The following SPPL2B variants were observed in gnomAD, a reference collection of about 807,000 sequenced individuals.
SPPL2B encodes the protein signal peptide peptidase like 2B, also known as signal peptide peptidase-like 2B.
In SPPL2B, 39 loss-of-function variants were observed where a neutral mutation model predicts 59.7. That is an observed-to-expected ratio of 0.65 (90% CI 0.51 to 0.85). The LOEUF is 0.85. Among genes scored for constraint, SPPL2B ranks in the 40% least tolerant of loss-of-function variants. SPPL2B has a pLI of 0.00. For missense variants in SPPL2B, 865 were observed against 849.0 expected (o/e 1.02, Z -0.23); for synonymous variants, 419 against 370.8 (o/e 1.13, Z -1.49).
At chr19:2,339,992 G>A (rs567396750) in intron 6 of SPPL2B, 26 bp downstream of exon 6, 33 of 1,552,070 alleles carry the variant, frequency 2.1e-5, no homozygotes, top group African/African-American at 2.7e-5. Context: ...CGGGTGGGCC[G>A]CGGCGTGGAG....
At position 2,334,582 on chromosome 19, in the gene SPPL2B, C is replaced by T. The variant is rs754958018; in HGVS notation, c.67-20C>T. On this transcript the variant is annotated intron_variant, in intron 1 of 14. Transcript: ENST00000613503. ...CGCACGTCCCGTGCTGTGGCTCTGA[C>T]TGCTGGCCTTGTCCTGCAGGTGGCC... 8.1e-6 allele frequency: 13 copies of T among 1,602,604 alleles called. No individual in the cohort carries two copies. Among genetic ancestry groups the T allele is most frequent in the Non-Finnish European group, 9.4e-6 (11 of 1,175,226 alleles).
intron 9 of SPPL2B, among the ~76,000 whole-genome samples, chr19:2,343,753 G>T (rs564478104): frequency 2.0e-5 from 3 of 152,266 alleles, no homozygotes; most frequent in East Asian, 1.9e-4. Context: ...TTCCTGTTAC[G>T]TGGAGACTCT....
At chr19:2,338,511 G>A in intron 3 of SPPL2B, 1 of 481,428 alleles carries the variant, frequency 2.1e-6, no homozygotes, top group East Asian at 3.6e-5. Flanking sequence ...GGGATTAGTG[G>A]CGCTTTTAGG....
chr19:2,343,502 G>A (rs949681339), intron 9 of SPPL2B, among the ~76,000 whole-genome samples: 2 of 152,194 alleles, frequency 1.3e-5, no homozygotes, highest in African/African-American at 4.8e-5. Context: ...GCTGCGGGGC[G>A]GTTCCCGGCA....
At position 2,339,012 on chromosome 19, in the gene SPPL2B, C is replaced by T. The variant is rs988399156; in HGVS notation, c.460-57C>T. 44 of 1,528,830 alleles carry T rather than the reference C, an allele frequency of 2.9e-5. 1 individual carries two copies. Among genetic ancestry groups the T allele is most frequent in the South Asian group, 1.2e-4 (10 of 82,610 alleles). 94.7% of individuals were successfully genotyped at this position (1,528,830 alleles called of 1,614,324 possible). A position where few individuals can be genotyped will look rare whatever the true frequency, so the allele number is the denominator to read the frequency against. On this transcript the variant is annotated intron_variant, in intron 4 of 14. Coordinates refer to ENST00000613503, the MANE Select transcript of SPPL2B (RefSeq NM_152988.3). ...AGCCCCACAGCCCACAGCTGCACGT[C>T]GACCCATGGCTGGCGGGTGGCTCTG...
intron 14 of SPPL2B, 119 bp downstream of exon 14, chr19:2,351,713 C>T (rs1969935198): frequency 1.5e-6 from 2 of 1,364,700 alleles, no homozygotes; most frequent in South Asian, 1.4e-5. Flanking sequence ...GGCTCAGGGT[C>T]CTGGTACCTT....
rs1249113439 is a variant in SPPL2B, at chr19:2,332,797, T to G, written c.67-1805T>G. 6.6e-6 allele frequency among the ~76,000 whole-genome samples: 1 copy of G among 152,172 alleles called. No homozygotes were observed. The highest frequency in any genetic ancestry group is 1.5e-5 in the Non-Finnish European group (1 of 68,022). On this transcript the variant is annotated intron_variant, in intron 1 of 14. Coordinates refer to ENST00000613503, the MANE Select transcript of SPPL2B (RefSeq NM_152988.3). This position sits in a 1 kb window ranked among gnomAD's most constrained non-coding sequence, Gnocchi z 4.6. ...GGGCCCACACTGAGGGTCTGCAGTG[T>G]GGCACAGCAGCTGGGACCTGGGCCC...
At chr19:2,352,795 C>T (rs1969996220) in intron 14 of SPPL2B, 151 bp from the exon 15 acceptor site, 3 of 844,142 alleles carry the variant, frequency 3.6e-6, no homozygotes, top group South Asian at 3.6e-5. Flanking sequence ...GGTTATGGAG[C>T]CGGCCCCCTC....
intron 8 of SPPL2B, 184 bp downstream of exon 8, chr19:2,341,198 G>A (rs1175982912): frequency 8.6e-6 from 6 of 695,540 alleles, no homozygotes; most frequent in Admixed American, 8.1e-5. Flanking sequence ...TTCACCTGGG[G>A]TTTGTCCGGG....
intron 2 of SPPL2B, among the ~76,000 whole-genome samples, chr19:2,335,924 TGA>T (rs993948706): frequency 1.0e-4 from 16 of 152,386 alleles, no homozygotes; most frequent in East Asian, 5.8e-4. Context: ...CATGTTTATG[TGA>T]GTTTGCATCA....
In SPPL2B at chr19:2,355,044, C is replaced by G. The variant is rs547166807; in HGVS notation, c.*1835C>G. On this transcript the variant is annotated 3_prime_UTR_variant, in exon 15 of 15. Transcript: ENST00000613503. ...ACTGTTGCTGGAAAGCATCACAGAC[C>G]ATGTGTAAAATGGGCCAAAATACCT... Among the ~76,000 whole-genome samples the G allele has an allele frequency of 6.1e-4, 93 of 152,348 alleles. No individual in the cohort carries two copies. Among genetic ancestry groups the G allele is most frequent in the African/African-American group, 2.1e-3 (87 of 41,578 alleles).
chr19:2,346,164 G>A (rs1012050466), intron 13 of SPPL2B, among the ~76,000 whole-genome samples: 10 of 152,248 alleles, frequency 6.6e-5, no homozygotes, highest in Non-Finnish European at 4.4e-5. Context: ...AAGCTGTGGT[G>A]CTTTCTGGTT....
At chr19:2,340,673 G>A (rs1448912152) in intron 7 of SPPL2B, among the ~76,000 whole-genome samples, 3 of 152,160 alleles carry the variant, frequency 2.0e-5, no homozygotes, top group Non-Finnish European at 2.9e-5. Flanking sequence ...CAGGCGAGGG[G>A]CTCTGTGGGT....
rs1448537099 is a variant in SPPL2B at position 2,334,651 on chromosome 19, C to T, written c.116C>T (p.Pro39Leu). The change falls in exon 2 of 15, where the codon CCC (proline) becomes CTC (leucine). Residue 39 changes from proline to leucine, a missense_variant. Physicochemically the swap from Pro to Leu is moderately conservative, Grantham distance 98. Transcript: ENST00000613503. ...MVHVVSQAGG[P>L]EGKDYCILYN... is the part of the protein sequence containing the mutation. ...CACGTGGTCTCCCAGGCCGGGGGCC[C>T]CGAAGGCAAAGACTACTGCATCCTC... is the stretch of plus-strand genomic sequence containing the variant. 5.6e-6 allele frequency: 9 copies of T among 1,613,000 alleles called. No individual in the cohort carries two copies. The highest frequency in any genetic ancestry group is 7.6e-6 in the Non-Finnish European group (9 of 1,179,546).
chr19:2,351,574 T>C lies in SPPL2B; in HGVS notation c.1495T>C (p.Trp499Arg). The change falls in exon 14 of 15, where the codon TGG (tryptophan) becomes CGG (arginine). Residue 499 changes from tryptophan to arginine, a missense_variant. Trp to Arg is a moderately radical substitution (Grantham distance 101). Coordinates refer to ENST00000613503, the MANE Select transcript of SPPL2B (RefSeq NM_152988.3). ...CTGGCGCCGGGAGCTGGGCGTGTTCTGGACGGGCAGCGGCTTTGCGGTGAA... is the reference window on the plus strand; with the variant it reads ...CTGGCGCCGGGAGCTGGGCGTGTTCCGGACGGGCAGCGGCTTTGCGGTGAA... ...ALWRRELGVFWTGSGFAKVLP... is the reference protein window; with the variant it reads ...ALWRRELGVFRTGSGFAKVLP... 6.2e-7 allele frequency: 1 copy of C among 1,610,806 alleles called. No homozygotes were observed. Among genetic ancestry groups the C allele is most frequent in the Non-Finnish European group, 8.5e-7 (1 of 1,178,798 alleles).
intron 7 of SPPL2B, chr19:2,340,386 G>C: frequency 1.6e-6 from 1 of 607,824 alleles, no homozygotes; most frequent in East Asian, 2.9e-5. Context: ...CAGGGGTGGC[G>C]GGGGGAGGGT....
In SPPL2B at chr19:2,352,989, G is replaced by C. The variant is rs1222800810; in HGVS notation, c.1559G>C (p.Gly520Ala). The change falls in exon 15 of 15, where the codon GGC becomes GCC. Residue 520 changes from glycine (G) to alanine (A), a missense_variant. Gly to Ala is a moderately conservative substitution (Grantham distance 60). Transcript: ENST00000613503. ...CCGTGGGCCCCAGCACCAGCCGACG[G>C]CCCGCAGCCTCCCAAAGACTCTGCC... ...PSPWAPAPAD[G>A]PQPPKDSATP... is the part of the protein sequence containing the mutation. 6.2e-7 allele frequency: 1 copy of C among 1,612,158 alleles called. No individual in the cohort carries two copies. Among genetic ancestry groups the C allele is most frequent in the African/African-American group, 1.3e-5 (1 of 75,010 alleles).
intron 13 of SPPL2B, among the ~76,000 whole-genome samples, chr19:2,348,918 G>A (rs1227606575): frequency 2.2e-5 from 3 of 139,058 alleles, no homozygotes; most frequent in African/African-American, 8.3e-5. Flanking sequence ...GCTCTCATTC[G>A]CTTGATTCTG....
At chr19:2,334,405 A>T (rs1331142050) in intron 1 of SPPL2B, among the ~76,000 whole-genome samples, 197 bp from the exon 2 acceptor site, 1 of 152,216 alleles carries the variant, frequency 6.6e-6, no homozygotes, top group Non-Finnish European at 1.5e-5. Flanking sequence ...AAGGTGAGCC[A>T]GTCTGGGTCT....
Sources: gnomAD v4.1 joint callset for allele counts (sites outside exome capture counted in the v4.1 genomes callset) on GRCh38, gnomAD v4.1.1 for gene constraint, Gnocchi (gnomAD v3.1) non-coding constraint, MANE v1.5 for transcripts, NCBI Gene and HGNC (gene_info 2026-07-23, HGNC 2026-07-21) for gene names.